Variants in ATP12A observed in about 807,000 individuals in gnomAD.
ATP12A encodes ATPase H+/K+ transporting non-gastric alpha2 subunit.
Under a neutral mutation model 111.2 loss-of-function variants are expected in ATP12A, and 81 were observed. The ratio of observed to expected loss-of-function variants is 0.73; its 90% CI spans 0.61 to 0.88. The LOEUF is 0.88. Ranked by LOEUF, ATP12A falls within the 40% of genes least tolerant of loss-of-function variation. The pLI is 0.00. For synonymous variants in ATP12A, 498 were observed against 499.8 expected (o/e 1.00, Z 0.05); for missense variants, 1,196 against 1,313.1 (o/e 0.91, Z 1.38).
At chr13:24,705,583 A>G (rs964716220) in intron 14 of ATP12A, among the ~76,000 whole-genome samples, 5 of 152,214 alleles carry the variant, frequency 3.3e-5, no homozygotes, top group Admixed American at 3.3e-4. Context: ...AATCTGAAAT[A>G]CCCAACGGCA....
At position 24,706,357 on chromosome 13, in the gene ATP12A, T is replaced by C; in HGVS notation, c.2063T>C (p.Met688Thr). The stretch of plus-strand genomic sequence containing the variant: ...GTGACTGGCATGGAGCTGAAGGACA[T>C]GAGCTCAGAACAGCTGGATGAGATC... ...AVVTGMELKD[M>T]SSEQLDEILA... The change falls in exon 15 of 23, where the codon ATG (methionine) becomes ACG (threonine). Residue 688 changes from methionine to threonine, a missense_variant. Around this residue, in one of 3 missense-constraint regions of ATP12A, gnomAD observed 1,126 missense variants for 1,228.5 expected, o/e 0.92. Transcript: ENST00000381946. The C allele has an allele frequency of 6.2e-7, 1 of 1,614,210 alleles. No individual in the cohort carries two copies. Among genetic ancestry groups the C allele is most frequent in the African/African-American group, 1.3e-5 (1 of 75,066 alleles).
In ATP12A at chr13:24,710,886, A is replaced by C. The variant is rs377377645; in HGVS notation, c.2992A>C (p.Met998Leu). 6.2e-7 allele frequency: 1 copy of C among 1,613,758 alleles called. No individual in the cohort carries two copies. Among genetic ancestry groups the C allele is most frequent in the South Asian group, 1.1e-5 (1 of 91,080 alleles). ...LGSVTALSFT[M>L]LRAQYWFVAV... is the part of the protein sequence containing the mutation. ...AAGTGTCACAGCCTTGAGTTTCACC[A>C]TGCTTAGGTGAGTTCACCCTCAACA... The change falls in exon 21 of 23, where the codon ATG (methionine) becomes CTG (leucine). Residue 998 changes from methionine (M) to leucine (L), a missense_variant. Physicochemically the swap from Met to Leu is conservative, Grantham distance 15. This residue lies in a region of ATP12A where 1,126 missense variants were observed against 1,228.5 expected (regional missense o/e 0.92). Transcript: ENST00000381946.
chr13:24,684,260 T>G (rs1874589026), intron 2 of ATP12A, among the ~76,000 whole-genome samples: 1 of 152,130 alleles, frequency 6.6e-6, no homozygotes, highest in African/African-American at 2.4e-5. Flanking sequence ...GTAGAAGGGA[T>G]GAAGGAGCAA....
chr13:24,704,683 CT>C (rs1875542773), intron 14 of ATP12A: 1 of 218,854 alleles, frequency 4.6e-6, no homozygotes. Context: ...TGTCTCAGCT[CT>C]TTGGAACGAG....
At chr13:24,709,079 G>A (rs1875839493) in intron 17 of ATP12A, among the ~76,000 whole-genome samples, 1 of 152,216 alleles carries the variant, frequency 6.6e-6, no homozygotes, top group Admixed American at 6.5e-5. Context: ...CCCACCTGGA[G>A]GGAGAGGACG....
At position 24,685,839 on chromosome 13, in the gene ATP12A, C is replaced by G. The variant is rs1209648503; in HGVS notation, c.228+466C>G. Among the ~76,000 whole-genome samples the G allele has an allele frequency of 1.3e-5, 2 of 152,250 alleles. No homozygotes were observed. Among genetic ancestry groups the G allele is most frequent in the Non-Finnish European group, 2.9e-5 (2 of 68,046 alleles). ...TGGGGGACCCCAGGGCCAGTAAGCA[C>G]AGAGCCTGCTTGGAGAGAATCTGGG... On this transcript the variant is annotated intron_variant, in intron 3 of 22. Transcript: ENST00000381946. The surrounding 1 kb of genome is among the most constrained non-coding windows in gnomAD (Gnocchi z 5.5).
chr13:24,688,438 T>C lies in ATP12A; in HGVS notation c.348T>C (p.Ser116=), dbSNP rs766497259. The C allele has an allele frequency of 2.5e-5, 41 of 1,614,006 alleles. No homozygotes were observed. The highest frequency in any genetic ancestry group is 3.3e-5 in the Admixed American group (2 of 60,002). Residue 116 remains serine, a synonymous_variant, in exon 4 of 23, where the codon TCT becomes TCC. Transcript: ENST00000381946. ...KFLKQMVGGF[S]ILLWVGAFLC... ...TCAAGCAGATGGTGGGGGGGTTCTC[T>C]ATCCTCCTGTGGGTGGGCGCCTTTC...
Position 24,711,951 on chromosome 13 carries a change from A to G in ATP12A, c.*429A>G, listed in dbSNP as rs896293117. 25 of 207,756 alleles carry G rather than the reference A, an allele frequency of 1.2e-4. No homozygotes were observed. The highest frequency in any genetic ancestry group is 5.8e-4 in the African/African-American group (25 of 42,788). 12.9% of individuals were successfully genotyped at this position (207,756 alleles called of 1,614,324 possible). On this transcript the variant is annotated 3_prime_UTR_variant, in exon 23 of 23. Transcript: ENST00000381946. ...TAAGATTTCTGCAGATCCCCTGAGA[A>G]GGTATGTTTTCATGGTCTCCTTGCT...
Position 24,685,273 on chromosome 13 carries a change from A to T in ATP12A, c.169-41A>T. ...AAAGCTTGGGGCTTGAGTCTTTTGG[A>T]ATTATCTAATTCACTCTGTTCTTCC... On this transcript the variant is annotated intron_variant, in intron 2 of 22. Coordinates refer to ENST00000381946, the MANE Select transcript of ATP12A (RefSeq NM_001676.7). This position sits in a 1 kb window ranked among gnomAD's most constrained non-coding sequence, Gnocchi z 5.5. 1.9e-6 allele frequency: 3 copies of T among 1,593,538 alleles called. No individual in the cohort carries two copies. The highest frequency in any genetic ancestry group is 4.5e-5 in the East Asian group (2 of 44,774).
chr13:24,711,444 C>T, intron 22 of ATP12A, 35 bp downstream of exon 22: 1 of 1,613,976 alleles, frequency 6.2e-7, no homozygotes, highest in Non-Finnish European at 8.5e-7. Context: ...CTCTGTTTAC[C>T]CACTTCAACA....
Position 24,710,609 on chromosome 13 carries a change from G to A in ATP12A, c.2897+16G>A, listed in dbSNP as rs774086288. ...GTCTCTTCAGGTACTGCCTGTGCCC[G>A]GCCTCCTGGGGCAGCCCTGGGCCTG... On this transcript the variant is annotated intron_variant, in intron 20 of 22. Transcript: ENST00000381946. 15 of 1,613,824 alleles carry A rather than the reference G, an allele frequency of 9.3e-6. No individual in the cohort carries two copies. Among genetic ancestry groups the A allele is most frequent in the South Asian group, 3.3e-5 (3 of 91,032 alleles).
At chr13:24,681,525 A>T in intron 1 of ATP12A, 37 bp from the exon 2 acceptor site, 1 of 1,598,886 alleles carries the variant, frequency 6.3e-7, no homozygotes, top group Non-Finnish European at 8.5e-7. Context: ...CGGAAACCCC[A>T]TTTGGGGCCA....
At chr13:24,709,957 C>T (rs1300482921) in intron 19 of ATP12A, 129 bp downstream of exon 19, 3 of 1,367,290 alleles carry the variant, frequency 2.2e-6, no homozygotes, top group African/African-American at 2.9e-5. Flanking sequence ...GGCTCAGGGC[C>T]CCCTTGCTGA....
chr13:24,681,398 G>A (rs1874425142), intron 1 of ATP12A, among the ~76,000 whole-genome samples, 164 bp from the exon 2 acceptor site: 1 of 152,110 alleles, frequency 6.6e-6, no homozygotes, highest in Non-Finnish European at 1.5e-5. Context: ...GCGGGAGGTG[G>A]GGGAGAGACT....
At chr13:24,704,905 C>T (rs958115385) in intron 14 of ATP12A, 3 of 152,522 alleles carry the variant, frequency 2.0e-5, no homozygotes, top group Non-Finnish European at 2.9e-5. Flanking sequence ...TTCAGTTATT[C>T]ACTTCATCAG....
intron 11 of ATP12A, among the ~76,000 whole-genome samples, chr13:24,696,930 G>T (rs1366734390): frequency 6.6e-6 from 1 of 152,214 alleles, no homozygotes; most frequent in African/African-American, 2.4e-5. Context: ...GTGTCTTATT[G>T]ATTAGAATGG....
In ATP12A at chr13:24,702,119, G is replaced by A. The variant is rs571281543; in HGVS notation, c.2018+48G>A. On this transcript the variant is annotated intron_variant, in intron 14 of 22. Transcript: ENST00000381946. Reference sequence around the variant, plus strand: ...AAAAATTCCAGTTTATACCCATGGGGCCCCACTGGCTCTAAAGAGCTGCAC... The same window carrying A: ...AAAAATTCCAGTTTATACCCATGGGACCCCACTGGCTCTAAAGAGCTGCAC... 2.4e-5 allele frequency: 38 copies of A among 1,611,512 alleles called. 1 individual carries two copies. Among genetic ancestry groups the A allele is most frequent in the Admixed American group, 1.2e-4 (7 of 59,996 alleles).
intron 8 of ATP12A, 62 bp downstream of exon 8, chr13:24,691,312 A>G: frequency 6.5e-7 from 1 of 1,529,204 alleles, no homozygotes; most frequent in Non-Finnish European, 8.8e-7. Flanking sequence ...GGTGCTGGGG[A>G]GGCGCCCACA....
Position 24,688,365 on chromosome 13 carries a change from C to G in ATP12A, c.275C>G (p.Pro92Arg), listed in dbSNP as rs764506788. 3 of 1,613,850 alleles carry G rather than the reference C, an allele frequency of 1.9e-6. No homozygotes were observed. Among genetic ancestry groups the G allele is most frequent in the Non-Finnish European group, 2.5e-6 (3 of 1,179,960 alleles). ...GCCGAGCTCCTGGCCCGGGATGGGC[C>G]CAACTCCCTCACCCCTCCCAAGCAG... ...RAAELLARDG[P>R]NSLTPPKQTP... is the part of the protein sequence containing the mutation. The change falls in exon 4 of 23, where the codon CCC (proline) becomes CGC (arginine). Residue 92 changes from proline (P) to arginine (R), a missense_variant. This residue lies in a region of ATP12A where 1,126 missense variants were observed against 1,228.5 expected (regional missense o/e 0.92). Transcript: ENST00000381946.
Sources: gnomAD v4.1 joint callset for allele counts (sites outside exome capture counted in the v4.1 genomes callset) on GRCh38, gnomAD v4.1.1 for gene constraint, gnomAD v4.1.1 regional missense constraint, Gnocchi (gnomAD v3.1) non-coding constraint, MANE v1.5 for transcripts, NCBI Gene and HGNC (gene_info 2026-07-23, HGNC 2026-07-21) for gene names.